The following ATF6B variants were observed in gnomAD, a reference collection of about 807,000 sequenced individuals.
The protein encoded by ATF6B is cyclic AMP-dependent transcription factor ATF-6 beta.
In ATF6B, 50 loss-of-function variants were observed where a neutral mutation model predicts 83.5. The ratio of observed to expected loss-of-function variants is 0.60; its 90% CI spans 0.48 to 0.76. The LOEUF (loss-of-function observed/expected upper bound fraction) is 0.76, where lower values mean the gene tolerates loss of function less well. Among genes scored for constraint, ATF6B ranks in the 30% least tolerant of loss-of-function variants. The pLI is 0.00. For synonymous variants in ATF6B, 344 were observed against 362.8 expected (o/e 0.95, Z 0.59); for missense variants, 790 against 893.8 (o/e 0.88, Z 1.48).
At chr6:32,122,749 TGAGG>T (rs941720131) in intron 5 of ATF6B, among the ~76,000 whole-genome samples, 113 of 148,156 alleles carry the variant, frequency 7.6e-4, no homozygotes, top group African/African-American at 2.7e-3. Context: ...CTTGGGAGAC[TGAGG>T]GAGGAGAATG....
intron 5 of ATF6B, among the ~76,000 whole-genome samples, chr6:32,122,455 T>C (rs1781799430): frequency 6.6e-6 from 1 of 152,224 alleles, no homozygotes; most frequent in Non-Finnish European, 1.5e-5. Flanking sequence ...TACTTAATTA[T>C]ATGATCACTA....
At chr6:32,120,433 ATTTTTT>A (rs1781712635) in intron 8 of ATF6B, 3 of 128,020 alleles carry the variant, frequency 2.3e-5, no homozygotes, top group African/African-American at 9.4e-5. Flanking sequence ...TTTTATTTTT[ATTTTTT>A]GGTTTTTCTT....
chr6:32,116,078 G>T lies in ATF6B; in HGVS notation c.1883-110C>A. On this transcript the variant is annotated intron_variant, in intron 17 of 17. Coordinates refer to ENST00000375203, the MANE Select transcript of ATF6B (RefSeq NM_004381.5). The surrounding 1 kb of genome is among the most constrained non-coding windows in gnomAD (Gnocchi z 5.1). ...AGGTGAGCAGAGAGAAAAAGAAAGG[G>T]CAATAGTGAGGAGGCAGATCCATAG... 1.3e-6 allele frequency: 1 copy of T among 780,696 alleles called. No homozygotes were observed. Among genetic ancestry groups the T allele is most frequent in the Non-Finnish European group, 2.1e-6 (1 of 486,584 alleles). 48.4% of individuals were successfully genotyped at this position (780,696 alleles called of 1,614,324 possible). A position where few individuals can be genotyped will look rare whatever the true frequency, so the allele number is the denominator to read the frequency against.
rs1781690446 is a variant in ATF6B, at chr6:32,119,966, A to T, written c.833-9T>A. ...GAGGACAACTGGGGACACTGGGGCA[A>T]GTGAGCAGAGGTCAGAGGGCTGTGC... On this transcript the variant is annotated splice_polypyrimidine_tract_variant and intron_variant, in intron 8 of 17. Coordinates refer to ENST00000375203, the MANE Select transcript of ATF6B (RefSeq NM_004381.5). The surrounding 1 kb of genome is among the most constrained non-coding windows in gnomAD (Gnocchi z 4.9). 1 of 1,613,448 alleles carries T rather than the reference A, an allele frequency of 6.2e-7. No individual in the cohort carries two copies. The highest frequency in any genetic ancestry group is 1.1e-5 in the South Asian group (1 of 91,022).
chr6:32,116,360 C>T lies in ATF6B; in HGVS notation c.1882+120G>A. ...TCTTCCCTCCACCTACTTCCTGCTG[C>T]TTCTCACCTGTGGGTCCAGCAGCTC... On this transcript the variant is annotated intron_variant, in intron 17 of 17. Coordinates refer to ENST00000375203, the MANE Select transcript of ATF6B (RefSeq NM_004381.5). This position sits in a 1 kb window ranked among gnomAD's most constrained non-coding sequence, Gnocchi z 5.1. The T allele has an allele frequency of 1.1e-6, 1 of 942,414 alleles. No homozygotes were observed. Among genetic ancestry groups the T allele is most frequent in the Non-Finnish European group, 1.6e-6 (1 of 632,014 alleles). The allele number at this position is 942,414 out of a possible 1,614,324, so 58.4% of individuals were successfully genotyped here.
intron 5 of ATF6B, among the ~76,000 whole-genome samples, chr6:32,123,108 G>C (rs1781829140): frequency 6.6e-6 from 1 of 151,148 alleles, no homozygotes. Context: ...CGTGCCTGTA[G>C]TCCTAGCTAT....
rs1462162598 is a variant in ATF6B at position 32,116,104 on chromosome 6, C to T, written c.1883-136G>A. 2.4e-5 allele frequency: 16 copies of T among 669,884 alleles called. No individual in the cohort carries two copies. Among genetic ancestry groups the T allele is most frequent in the African/African-American group, 1.8e-4 (10 of 55,228 alleles). 41.5% of individuals were successfully genotyped at this position (669,884 alleles called of 1,614,324 possible). ...CAATAGTGAGGAGGCAGATCCATAG[C>T]GGGAGTTAAACAGGATGGCAGGGAC... On this transcript the variant is annotated intron_variant, in intron 17 of 17. Transcript: ENST00000375203. The surrounding 1 kb of genome is among the most constrained non-coding windows in gnomAD (Gnocchi z 5.1).
In ATF6B at chr6:32,128,190, C is replaced by T. The variant is rs1265876995; in HGVS notation, c.18G>A (p.Leu6=). The change falls in exon 1 of 18, where the codon CTG becomes CTA. Residue 6 remains leucine, a synonymous_variant. Coordinates refer to ENST00000375203, the MANE Select transcript of ATF6B (RefSeq NM_004381.5). MAELM[L]LSEIADPTRF... is the part of the protein sequence containing the mutation. The stretch of plus-strand genomic sequence containing the variant: ...GCGTCGGGTCAGCAATCTCGCTGAG[C>T]AGCATCAGCTCCGCCATCTTTCCCC... The T allele has an allele frequency of 1.2e-6, 2 of 1,612,200 alleles. No individual in the cohort carries two copies.
Position 32,128,160 on chromosome 6 carries a change from G to A in ATF6B, c.48C>T (p.Phe16=), listed in dbSNP as rs752363145. The A allele has an allele frequency of 3.7e-6, 6 of 1,613,172 alleles. No individual in the cohort carries two copies. Among genetic ancestry groups the A allele is most frequent in the Non-Finnish European group, 5.1e-6 (6 of 1,180,014 alleles). ...CCGGGCTAAGCAGGTTGTCGGTGAA[G>A]AAACGCGTCGGGTCAGCAATCTCGC... ...LLSEIADPTR[F]FTDNLLSPED... Residue 16 remains phenylalanine (F), a synonymous_variant, in exon 1 of 18, where the codon TTC becomes TTT. Coordinates refer to ENST00000375203, the MANE Select transcript of ATF6B (RefSeq NM_004381.5).
intron 5 of ATF6B, among the ~76,000 whole-genome samples, chr6:32,124,858 T>G (rs1223153834): frequency 6.6e-6 from 1 of 152,110 alleles, no homozygotes; most frequent in Non-Finnish European, 1.5e-5. Flanking sequence ...TGATTTTTTT[T>G]TTTTTTCCAG....
In ATF6B at chr6:32,116,846, G is replaced by C; in HGVS notation, c.1686-31C>G. 6.2e-7 allele frequency: 1 copy of C among 1,604,792 alleles called. No individual in the cohort carries two copies. The highest frequency in any genetic ancestry group is 8.5e-7 in the Non-Finnish European group (1 of 1,171,744). Reference sequence around the variant, plus strand: ...CAGGTGGGGAAACAGGATTTGAGGGGAACTAAGCCCAATGCTCAGTTTCTA... The same window carrying C: ...CAGGTGGGGAAACAGGATTTGAGGGCAACTAAGCCCAATGCTCAGTTTCTA... On this transcript the variant is annotated intron_variant, in intron 15 of 17. Coordinates refer to ENST00000375203, the MANE Select transcript of ATF6B (RefSeq NM_004381.5). The surrounding 1 kb of genome is among the most constrained non-coding windows in gnomAD (Gnocchi z 5.1).
intron 5 of ATF6B, among the ~76,000 whole-genome samples, chr6:32,121,777 C>T (rs1781776995): frequency 6.6e-6 from 1 of 152,076 alleles, no homozygotes; most frequent in African/African-American, 2.4e-5. Flanking sequence ...CTCTTCTGGC[C>T]CTAGATTACA....
At chr6:32,124,970 C>T (rs1459707574) in intron 5 of ATF6B, among the ~76,000 whole-genome samples, 1 of 152,184 alleles carries the variant, frequency 6.6e-6, no homozygotes, top group African/African-American at 2.4e-5. Flanking sequence ...GCCTCAGCCT[C>T]CCAAGTAGCT....
At position 32,116,910 on chromosome 6, in the gene ATF6B, C is replaced by A; in HGVS notation, c.1686-95G>T. 4 of 1,525,586 alleles carry A rather than the reference C, an allele frequency of 2.6e-6. No individual in the cohort carries two copies. Among genetic ancestry groups the A allele is most frequent in the Non-Finnish European group, 3.6e-6 (4 of 1,102,608 alleles). 94.5% of individuals were successfully genotyped at this position (1,525,586 alleles called of 1,614,324 possible). Reference sequence around the variant, plus strand: ...TAGGATGAGAGAAAAAGACAGGAGACCCCCAGTGGAGGAGGGAGGTATAAT... The same window carrying A: ...TAGGATGAGAGAAAAAGACAGGAGAACCCCAGTGGAGGAGGGAGGTATAAT... On this transcript the variant is annotated intron_variant, in intron 15 of 17. Transcript: ENST00000375203. The surrounding 1 kb of genome is among the most constrained non-coding windows in gnomAD (Gnocchi z 5.1).
Position 32,117,266 on chromosome 6 carries a change from C to T in ATF6B, c.1614+57G>A. 2 of 1,584,256 alleles carry T rather than the reference C, an allele frequency of 1.3e-6. No homozygotes were observed. The highest frequency in any genetic ancestry group is 2.2e-5 in the East Asian group (1 of 44,576). ...GAGATGCCCACTAGAAATCCCCAGA[C>T]AAGGCCTTTAGCCCTTGTCTTCAAG... On this transcript the variant is annotated intron_variant, in intron 14 of 17. Coordinates refer to ENST00000375203, the MANE Select transcript of ATF6B (RefSeq NM_004381.5). This position sits in a 1 kb window ranked among gnomAD's most constrained non-coding sequence, Gnocchi z 5.0.
At chr6:32,127,798 A>G (rs1168467008) in intron 1 of ATF6B, 48 bp from the exon 2 acceptor site, 1 of 1,582,448 alleles carries the variant, frequency 6.3e-7, no homozygotes, top group Non-Finnish European at 8.7e-7. Context: ...GCCCCAGCCT[A>G]CAGATCGCAC....
Position 32,126,238 on chromosome 6 carries a change from C to T in ATF6B, c.357G>A (p.Gly119=). The part of the protein sequence containing the change: ...TEPSSEALGV[G]EVLHVKTESL... ...ACTCTGTCTTCACATGGAGCACCTC[C>T]CCTACCCCAAGAGCCTGGGTGAGAG... The change falls in exon 5 of 18, where the codon GGG becomes GGA. Residue 119 remains glycine, a synonymous_variant. Coordinates refer to ENST00000375203, the MANE Select transcript of ATF6B (RefSeq NM_004381.5). 1 of 1,613,916 alleles carries T rather than the reference C, an allele frequency of 6.2e-7. No homozygotes were observed. The highest frequency in any genetic ancestry group is 8.5e-7 in the Non-Finnish European group (1 of 1,179,962).
In ATF6B at chr6:32,115,758, AGGGGCTGGTGGGAGGCCTGGT is replaced by A; in HGVS notation, c.2072_2092del (p.His691_Pro697del). ...CAGAGGTCAGGGATGATTGAGGTAG[AGGGGCTGGTGGGAGGCCTGGT>A]GGGCCTGGCTGGCTGCAGAGACTGG... is the stretch of plus-strand genomic sequence containing the variant. On this transcript the variant is annotated inframe_deletion, in exon 18 of 18. Coordinates refer to ENST00000375203, the MANE Select transcript of ATF6B (RefSeq NM_004381.5). 6.2e-7 allele frequency: 1 copy of A among 1,605,452 alleles called. No individual in the cohort carries two copies. The highest frequency in any genetic ancestry group is 8.5e-7 in the Non-Finnish European group (1 of 1,175,498).
chr6:32,120,697 C>T (rs760728858), intron 8 of ATF6B, 74 bp downstream of exon 8: 154 of 1,524,550 alleles, frequency 1.0e-4, no homozygotes, highest in Non-Finnish European at 1.3e-4. Context: ...GTGATTCGCC[C>T]GCCTCAGCCT....
Sources: allele counts gnomAD v4.1 joint callset (sites outside exome capture counted in the v4.1 genomes callset), GRCh38; gene constraint gnomAD v4.1.1; non-coding constraint Gnocchi (gnomAD v3.1); transcripts MANE v1.5; gene names NCBI Gene and HGNC (gene_info 2026-07-23, HGNC 2026-07-21).